Variants in SHANK1 observed in about 807,000 individuals in gnomAD.
SHANK1 encodes SH3 and multiple ankyrin repeat domains 1.
In SHANK1, 35 loss-of-function variants were observed where a neutral mutation model predicts 165.6. The observed-to-expected ratio is 0.21, with a 90% CI of 0.16 to 0.28. The LOEUF is 0.28. Ranked by LOEUF, SHANK1 falls within the 10% of genes least tolerant of loss-of-function variation. The probability of loss-of-function intolerance (pLI) is 1.00; values close to 1 mark genes in which losing one functional copy is unlikely to be tolerated. For missense variants in SHANK1, 2,681 were observed against 3,036.4 expected, an observed-to-expected ratio of 0.88 and a Z score of 2.75; for synonymous variants, 1,428 against 1,384.8, an observed-to-expected ratio of 1.03 and a Z score of -0.69.
chr19:50,697,488 G>T lies in SHANK1; in HGVS notation c.1937+101C>A. On this transcript the variant is annotated intron_variant, in intron 14 of 23. Transcript: ENST00000293441. This position sits in a 1 kb window ranked among gnomAD's most constrained non-coding sequence, Gnocchi z 4.7. Reference sequence around the variant, plus strand: ...CCTGGATCAAACTTGAGAAGGAACAGATTAGAAAGGGGGCTTAGAGGTGAT... The same window carrying T: ...CCTGGATCAAACTTGAGAAGGAACATATTAGAAAGGGGGCTTAGAGGTGAT... 1 of 995,640 alleles carries T rather than the reference G, an allele frequency of 1.0e-6. No individual in the cohort carries two copies. Among genetic ancestry groups the T allele is most frequent in the Non-Finnish European group, 1.6e-6 (1 of 620,528 alleles). The allele number at this position is 995,640 out of a possible 1,614,324, so 61.7% of individuals were successfully genotyped here.
Position 50,668,950 on chromosome 19 carries a change from GGT to G in SHANK1, c.3008_3009del (p.His1003ProfsTer164). Reference protein sequence around the residue: ...LPPAHHHPPHHHHHHAPPPQP... With the variant: ...LPPAHHHPPHXHHHHAPPPQP... ...TGAGGGGGCGGGGCGTGGTGGTGGT[GGT>G]GGTGGGGCGGGTGGTGGTGGGCCGG... On this transcript the variant is annotated frameshift_variant, in exon 23 of 24. Coordinates refer to ENST00000293441, the MANE Select transcript of SHANK1 (RefSeq NM_016148.5). LOFTEE classifies it high-confidence loss of function. The G allele has an allele frequency of 1.7e-6, 1 of 592,976 alleles. No individual in the cohort carries two copies. The highest frequency in any genetic ancestry group is 3.7e-5 in the Admixed American group (1 of 27,322). The allele number at this position is 592,976 out of a possible 1,614,324, so 36.7% of individuals were successfully genotyped here. A position where few individuals can be genotyped will look rare whatever the true frequency, so the allele number is the denominator to read the frequency against.
intron 9 of SHANK1, 96 bp from the exon 10 acceptor site, chr19:50,704,282 TCC>T: frequency 7.2e-7 from 1 of 1,387,604 alleles, no homozygotes; most frequent in Non-Finnish European, 1.0e-6. Context: ...ACCCAAACCT[TCC>T]ACTCCGACAA....
At chr19:50,666,171 T>G (rs1985499126) in intron 23 of SHANK1, 21 bp downstream of exon 23, 5 of 1,550,586 alleles carry the variant, frequency 3.2e-6, no homozygotes, top group Non-Finnish European at 4.4e-6. Flanking sequence ...CCTCCCTTGT[T>G]GGCCACCAGC....
chr19:50,711,989 C>T lies in SHANK1; in HGVS notation c.918G>A (p.Gln306=). The T allele has an allele frequency of 6.2e-7, 1 of 1,614,118 alleles. No homozygotes were observed. Among genetic ancestry groups the T allele is most frequent in the Non-Finnish European group, 8.5e-7 (1 of 1,180,014 alleles). ...AGCCGTTCTCATCAGCTATGCCCAG[C>T]TGGGCCCTGTTGAACAGGAGCAGCT... ...CCELLLFNRA[Q]LGIADENGWQ... The change falls in exon 7 of 24, where the codon CAG becomes CAA. Residue 306 remains glutamine (Q), a synonymous_variant. Transcript: ENST00000293441.
chr19:50,703,825 A>C lies in SHANK1; in HGVS notation c.1228T>G (p.Phe410Val). 7.0e-7 allele frequency: 1 copy of C among 1,426,736 alleles called. No individual in the cohort carries two copies. The highest frequency in any genetic ancestry group is 9.1e-7 in the Non-Finnish European group (1 of 1,093,772). 88.4% of individuals were successfully genotyped at this position (1,426,736 alleles called of 1,614,324 possible). ...GCCGCGTACTTGGGGGACTCCTGGA[A>C]GGGCACTGAGAGGGCACAGTGGCGG... The part of the protein sequence containing the change: ...RNHREQDVVP[F>V]QESPKYAARR... The change falls in exon 11 of 24, where the codon TTC becomes GTC. Residue 410 changes from phenylalanine to valine, a missense_variant. Phe to Val is a conservative substitution (Grantham distance 50, BLOSUM62 -1). This residue lies in a region of SHANK1 where 49 missense variants were observed against 55.6 expected (regional missense o/e 0.88). Transcript: ENST00000293441.
At chr19:50,687,514 A>G in intron 19 of SHANK1, 68 bp downstream of exon 19, 2 of 1,276,766 alleles carry the variant, frequency 1.6e-6, no homozygotes, top group Non-Finnish European at 1.1e-6. Context: ...TAACGAACTC[A>G]AGGGATGGTC....
chr19:50,674,892 C>T (rs1343237760), intron 21 of SHANK1, among the ~76,000 whole-genome samples: 1 of 151,780 alleles, frequency 6.6e-6, no homozygotes, highest in Non-Finnish European at 1.5e-5. Flanking sequence ...TGAAATTCCA[C>T]CTCTACTAAA....
chr19:50,669,134 T>TGAG lies in SHANK1; in HGVS notation c.2823_2825dup (p.Ser942dup). On this transcript the variant is annotated inframe_insertion, in exon 23 of 24. Transcript: ENST00000293441. ...CCCGAGGGGAGGGGGTGAGGCGCCC[T>TGAG]GAGGAGGAGGGGACTGGAGGTGTGC... 2.0e-6 allele frequency: 3 copies of TGAG among 1,528,784 alleles called. No homozygotes were observed. The highest frequency in any genetic ancestry group is 2.6e-6 in the Non-Finnish European group (3 of 1,140,654). 94.7% of individuals were successfully genotyped at this position (1,528,784 alleles called of 1,614,324 possible). A position where few individuals can be genotyped will look rare whatever the true frequency, so the allele number is the denominator to read the frequency against.
At position 50,697,937 on chromosome 19, in the gene SHANK1, T is replaced by G; in HGVS notation, c.1767A>C (p.Gly589=). ...EKIKVLSIGE[G]GFWEGQVKGR... is the part of the protein sequence containing the mutation. The stretch of plus-strand genomic sequence containing the variant: ...CTTTGACCTGGCCTTCCCAGAAGCC[T>G]CCTTCCCCGATGCTAAGTACTGGAT... The change falls in exon 13 of 24, where the codon GGA becomes GGC. Residue 589 remains glycine, a synonymous_variant. Coordinates refer to ENST00000293441, the MANE Select transcript of SHANK1 (RefSeq NM_016148.5). This position sits in a 1 kb window ranked among gnomAD's most constrained non-coding sequence, Gnocchi z 4.7. 2.5e-6 allele frequency: 4 copies of G among 1,613,736 alleles called. No homozygotes were observed. Among genetic ancestry groups the G allele is most frequent in the African/African-American group, 1.3e-5 (1 of 75,016 alleles).
At chr19:50,671,898 A>G (rs1038776837) in intron 22 of SHANK1, 120 bp downstream of exon 22, 9 of 759,588 alleles carry the variant, frequency 1.2e-5, no homozygotes, top group Non-Finnish European at 2.2e-6. Flanking sequence ...TCTTAACCCA[A>G]TTTGATGAAA....
intron 15 of SHANK1, among the ~76,000 whole-genome samples, chr19:50,693,590 C>T (rs1287513490): frequency 6.6e-6 from 1 of 152,058 alleles, no homozygotes; most frequent in Non-Finnish European, 1.5e-5. Context: ...CCCCAACGTC[C>T]CTCTCACACA....
chr19:50,687,170 C>T (rs923143184), intron 19 of SHANK1: 7 of 528,920 alleles, frequency 1.3e-5, no homozygotes, highest in African/African-American at 1.2e-4. Context: ...GACCAGCCCC[C>T]TGTCAGGGGA....
At chr19:50,679,295 A>C (rs1398438266) in intron 21 of SHANK1, among the ~76,000 whole-genome samples, 1 of 151,314 alleles carries the variant, frequency 6.6e-6, no homozygotes, top group Non-Finnish European at 1.5e-5. Flanking sequence ...TCCCCGACAG[A>C]GGAGGGTGCA....
Position 50,667,673 on chromosome 19 carries a change from C to T in SHANK1, c.4287G>A (p.Gln1429=). The T allele has an allele frequency of 7.2e-7, 1 of 1,388,100 alleles. No individual in the cohort carries two copies. Among genetic ancestry groups the T allele is most frequent in the South Asian group, 1.6e-5 (1 of 60,630 alleles). The allele number at this position is 1,388,100 out of a possible 1,614,324, so 86.0% of individuals were successfully genotyped here. ...GCGGGCTGGCGGGAAGGGACTTCTC[C>T]TGGCTGCCCAGCCCGGCCCTGTACC... ...ELGYRAGLGS[Q]EKSLPASPPA... is the part of the protein sequence containing the mutation. The change falls in exon 23 of 24, where the codon CAG becomes CAA. Residue 1429 remains glutamine, a synonymous_variant. Transcript: ENST00000293441. The surrounding 1 kb of genome is among the most constrained non-coding windows in gnomAD (Gnocchi z 5.7).
chr19:50,668,374 AGCC>A lies in SHANK1; in HGVS notation c.3583_3585del (p.Gly1195del), dbSNP rs752183166. ...ATGGCCGGGGCGGGGCTGGGCGAGG[AGCC>A]GCCGCCGCCGCCGCCTCCCGTGGGC... On this transcript the variant is annotated inframe_deletion, in exon 23 of 24. Transcript: ENST00000293441. 109 of 1,267,282 alleles carry A rather than the reference AGCC, an allele frequency of 8.6e-5. No homozygotes were observed. Among genetic ancestry groups the A allele is most frequent in the South Asian group, 3.6e-4 (11 of 30,566 alleles). 78.5% of individuals were successfully genotyped at this position (1,267,282 alleles called of 1,614,324 possible). A position where few individuals can be genotyped will look rare whatever the true frequency, so the allele number is the denominator to read the frequency against.
chr19:50,680,080 A>T (rs1986127737), intron 21 of SHANK1, among the ~76,000 whole-genome samples: 1 of 151,976 alleles, frequency 6.6e-6, no homozygotes, highest in African/African-American at 2.4e-5. Flanking sequence ...AGAGACAGAG[A>T]TGGAGAGACA....
At position 50,716,571 on chromosome 19, in the gene SHANK1, G is replaced by T; in HGVS notation, c.256-93C>A. The T allele has an allele frequency of 1.3e-6, 2 of 1,563,942 alleles. No individual in the cohort carries two copies. The highest frequency in any genetic ancestry group is 4.5e-5 in the East Asian group (2 of 44,370). On this transcript the variant is annotated intron_variant, in intron 2 of 23. Coordinates refer to ENST00000293441, the MANE Select transcript of SHANK1 (RefSeq NM_016148.5). This position sits in a 1 kb window ranked among gnomAD's most constrained non-coding sequence, Gnocchi z 8.4. ...AGTGAGCCAGGAGCTGAGTGTGGGGGTGATTCCTGGGAGGATACCCAGCAC... is the reference window on the plus strand; with the variant it reads ...AGTGAGCCAGGAGCTGAGTGTGGGGTTGATTCCTGGGAGGATACCCAGCAC...
chr19:50,681,840 T>C (rs73598625), intron 21 of SHANK1, among the ~76,000 whole-genome samples: 2,962 of 152,054 alleles, frequency 0.019, 112 homozygotes, highest in African/African-American at 0.067. Flanking sequence ...GGCGCAAGCA[T>C]GGCTCACTGC....
intron 22 of SHANK1, 34 bp from the exon 23 acceptor site, chr19:50,669,319 C>T: frequency 6.8e-7 from 1 of 1,480,262 alleles, no homozygotes; most frequent in Non-Finnish European, 9.3e-7. Context: ...GAGGGGGACC[C>T]TGGCGGGGAG....
Sources: gnomAD v4.1 joint callset for allele counts (sites outside exome capture counted in the v4.1 genomes callset) on GRCh38, gnomAD v4.1.1 for gene constraint, gnomAD v4.1.1 regional missense constraint, Gnocchi (gnomAD v3.1) non-coding constraint, MANE v1.5 for transcripts, NCBI Gene and HGNC (gene_info 2026-07-23, HGNC 2026-07-21) for gene names.